Variants in NFYC observed in about 807,000 individuals in gnomAD.
NFYC encodes the protein CAAT box DNA-binding protein subunit C.
A neutral mutation model predicts 53.1 loss-of-function variants in NFYC; 25 were observed. The ratio of observed to expected loss-of-function variants is 0.47; its 90% confidence interval spans 0.34 to 0.66. NFYC has a LOEUF of 0.66. NFYC is among the 30% of genes least tolerant of loss of function. The pLI is 0.01. For missense variants in NFYC, 260 were observed against 422.7 expected (o/e 0.62, Z 3.38); for synonymous variants, 145 against 152.6 (o/e 0.95, Z 0.37).
At chr1:40,758,488 T>C in intron 6 of NFYC, 194 bp downstream of exon 6, 1 of 600,816 alleles carries the variant, frequency 1.7e-6, no homozygotes, top group Non-Finnish European at 2.8e-6. Context: ...ACCCTGTTTT[T>C]CTCAAAGGTC....
Position 40,691,791 on chromosome 1 carries a change from G to A in NFYC, c.-85G>A, listed in dbSNP as rs868451283. Reference sequence around the variant, plus strand: ...CGCACACTTCCCCCTCCCCTCCGCCGCGCCTGGGCCTCTGCATTGCCCGAC... The same window carrying A: ...CGCACACTTCCCCCTCCCCTCCGCCACGCCTGGGCCTCTGCATTGCCCGAC... On this transcript the variant is annotated 5_prime_UTR_variant, in exon 1 of 10. Transcript: ENST00000447388. The A allele has an allele frequency of 2.9e-5, 13 of 452,110 alleles. No homozygotes were observed. The Middle Eastern group carries it at 3.2e-3, about 113-fold the overall frequency. The allele number at this position is 452,110 out of a possible 1,614,324, so 28.0% of individuals were successfully genotyped here. A position where few individuals can be genotyped will look rare whatever the true frequency, so the allele number is the denominator to read the frequency against.
rs56325253 is a variant in NFYC at position 40,707,849 on chromosome 1, C to CAAA, written c.-9+15997_-9+15999dup. ...TCGGTGACAGAGCCAGACCCTATCT[C>CAAA]AAAAAAAAAAAAAAAAAGAATGAAA... is the stretch of plus-strand genomic sequence containing the variant. On this transcript the variant is annotated intron_variant, in intron 1 of 9. Coordinates refer to ENST00000447388, the MANE Select transcript of NFYC (RefSeq NM_014223.5). 3.9e-3 allele frequency among the ~76,000 whole-genome samples: 389 copies of CAAA among 99,468 alleles called. 3 individuals are homozygous for CAAA. The highest frequency in any genetic ancestry group is 0.01 in the Middle Eastern group (2 of 200). 65.3% of individuals were successfully genotyped at this position (99,468 alleles called of 152,430 possible).
chr1:40,692,675 G>T (rs1642894978), intron 1 of NFYC, among the ~76,000 whole-genome samples: 2 of 152,166 alleles, frequency 1.3e-5, no homozygotes, highest in African/African-American at 4.8e-5. Flanking sequence ...AGGTTTTGGT[G>T]GAGCCCTGGA....
chr1:40,726,812 A>C (rs1477859078), intron 1 of NFYC, among the ~76,000 whole-genome samples: 1 of 152,238 alleles, frequency 6.6e-6, no homozygotes, highest in Non-Finnish European at 1.5e-5. Context: ...TCTGTTTGAT[A>C]GCATTTTACC....
intron 1 of NFYC, among the ~76,000 whole-genome samples, chr1:40,704,802 CA>C (rs1192343852): frequency 6.6e-6 from 1 of 152,098 alleles, no homozygotes; most frequent in Non-Finnish European, 1.5e-5. Flanking sequence ...CCTGGGTTTC[CA>C]GCATAAAAAG....
chr1:40,750,287 G>T (rs886747157), intron 4 of NFYC, among the ~76,000 whole-genome samples: 7 of 152,100 alleles, frequency 4.6e-5, no homozygotes, highest in African/African-American at 1.7e-4. Context: ...CCAGATACAA[G>T]AAGAAGAGTG....
intron 1 of NFYC, among the ~76,000 whole-genome samples, chr1:40,731,881 TTGG>T (rs1409304243): frequency 3.3e-5 from 5 of 152,198 alleles, no homozygotes; most frequent in African/African-American, 7.2e-5. Flanking sequence ...ATTTAGAAGT[TTGG>T]TGATGTTTTT....
intron 1 of NFYC, among the ~76,000 whole-genome samples, chr1:40,692,742 A>G (rs1642901109): frequency 6.6e-6 from 1 of 152,160 alleles, no homozygotes; most frequent in African/African-American, 2.4e-5. Context: ...CGAGAGAGGA[A>G]TGCTATTGAG....
intron 7 of NFYC, among the ~76,000 whole-genome samples, chr1:40,765,629 C>T (rs757536782): frequency 1.3e-5 from 2 of 152,114 alleles, no homozygotes; most frequent in Non-Finnish European, 2.9e-5. Context: ...TTCTGGACCC[C>T]GCAGATAGAG....
intron 1 of NFYC, chr1:40,721,546 G>A (rs1644327503): frequency 1.3e-5 from 2 of 148,200 alleles, no homozygotes; most frequent in Non-Finnish European, 3.0e-5. Flanking sequence ...CAAGGAGATG[G>A]TGGTGGTTGT....
intron 1 of NFYC, among the ~76,000 whole-genome samples, chr1:40,730,195 C>CT (rs34045698): frequency 0.099 from 10,104 of 101,880 alleles, 553 homozygotes; most frequent in Non-Finnish European, 0.12. Context: ...TCTTTCTTTT[C>CT]TTTTTTTTTT....
At chr1:40,708,601 A>G (rs1343195474) in intron 1 of NFYC, among the ~76,000 whole-genome samples, 1 of 152,132 alleles carries the variant, frequency 6.6e-6, no homozygotes, top group Non-Finnish European at 1.5e-5. Context: ...AACTTCATAC[A>G]TTACCTTAAA....
At chr1:40,751,570 T>C (rs1210342378) in intron 4 of NFYC, among the ~76,000 whole-genome samples, 1 of 152,106 alleles carries the variant, frequency 6.6e-6, no homozygotes, top group Non-Finnish European at 1.5e-5. Context: ...CATATCTGGC[T>C]TAAAATTTTT....
chr1:40,741,453 A>C (rs918081326), intron 2 of NFYC, among the ~76,000 whole-genome samples: 8 of 152,158 alleles, frequency 5.3e-5, no homozygotes, highest in Non-Finnish European at 8.8e-5. Flanking sequence ...TCAACTTAGG[A>C]TCTTTTCAAC....
chr1:40,699,895 T>C (rs1643346463), intron 1 of NFYC, among the ~76,000 whole-genome samples: 1 of 152,214 alleles, frequency 6.6e-6, no homozygotes, highest in African/African-American at 2.4e-5. Flanking sequence ...TGCAGAATTA[T>C]TATTCAGAGC....
At chr1:40,727,851 G>A (rs1311293092) in intron 1 of NFYC, among the ~76,000 whole-genome samples, 1 of 149,050 alleles carries the variant, frequency 6.7e-6, no homozygotes, top group African/African-American at 2.4e-5. Flanking sequence ...ATTCTTAATG[G>A]TATTTAAAAT....
Position 40,758,192 on chromosome 1 carries a change from C to G in NFYC, c.459C>G (p.Thr153=), listed in dbSNP as rs369100160. 3.1e-6 allele frequency: 5 copies of G among 1,612,794 alleles called. No homozygotes were observed. The African/African-American group carries it at 6.7e-5, about 22-fold the overall frequency. Residue 153 remains threonine, a synonymous_variant, in exon 6 of 10, where the codon ACC becomes ACG. Transcript: ENST00000447388. ...ATTTCACGCTGGCTCAGCAACCCAC[C>G]GCTGTCCAAGTCCAGGGCCAGCAGC... ...QYYFTLAQQP[T]AVQVQGQQQG...
At chr1:40,738,771 C>A in intron 1 of NFYC, 65 bp from the exon 2 acceptor site, 1 of 1,161,532 alleles carries the variant, frequency 8.6e-7, no homozygotes, top group Non-Finnish European at 1.3e-6. Context: ...ATACAAATGC[C>A]TAATCTGGAC....
At chr1:40,713,281 T>C (rs1644004275) in intron 1 of NFYC, among the ~76,000 whole-genome samples, 1 of 152,234 alleles carries the variant, frequency 6.6e-6, no homozygotes, top group African/African-American at 2.4e-5. Context: ...CAGTCAGCAT[T>C]GGTGTCTGCT....
Sources: gnomAD v4.1 joint callset for allele counts (sites outside exome capture counted in the v4.1 genomes callset) on GRCh38, gnomAD v4.1.1 for gene constraint, MANE v1.5 for transcripts, NCBI Gene and HGNC (gene_info 2026-07-23, HGNC 2026-07-21) for gene names.